The following CD86 variants were observed in gnomAD, a reference collection of about 807,000 sequenced individuals.
CD86 encodes CD86 molecule.
Under a neutral mutation model 32.1 loss-of-function variants are expected in CD86, and 11 were observed. The observed-to-expected ratio is 0.34, with a 90% CI of 0.22 to 0.57. The LOEUF (loss-of-function observed/expected upper bound fraction) is 0.57, where lower values mean the gene tolerates loss of function less well. Ranked by LOEUF, CD86 falls within the 20% of genes least tolerant of loss-of-function variation. CD86 has a pLI of 0.86. For missense variants in CD86, 359 were observed against 398.4 expected (o/e 0.90, Z 0.84); for synonymous variants, 137 against 135.3 (o/e 1.01, Z -0.09).
chr3:122,090,254 A>G (rs778818060), intron 1 of CD86, among the ~76,000 whole-genome samples: 8 of 152,340 alleles, frequency 5.3e-5, no homozygotes, highest in Non-Finnish European at 1.0e-4. Context: ...TTCTAGCCCA[A>G]TGTCCTGCAC....
intron 2 of CD86, among the ~76,000 whole-genome samples, chr3:122,102,406 CTTTTTTTT>C (rs1011413952): frequency 4.5e-4 from 25 of 56,156 alleles, no homozygotes; most frequent in African/African-American, 1.3e-3. Context: ...CCACTGCTTA[CTTTTTTTT>C]TTTTTTTTTT....
chr3:122,093,763 T>C (rs1223132940), intron 2 of CD86, among the ~76,000 whole-genome samples: 1 of 152,180 alleles, frequency 6.6e-6, no homozygotes, highest in Non-Finnish European at 1.5e-5. Flanking sequence ...ATTAACTCAT[T>C]TGAGCCTCAC....
chr3:122,117,990 C>T, intron 5 of CD86, 58 bp from the exon 6 acceptor site: 2 of 1,467,238 alleles, frequency 1.4e-6, no homozygotes, highest in East Asian at 2.3e-5. Context: ...TTCAAACTTT[C>T]CTTCTTTTGG....
chr3:122,111,196 C>G (rs1454936094), intron 5 of CD86, among the ~76,000 whole-genome samples: 1 of 152,158 alleles, frequency 6.6e-6, no homozygotes, highest in Non-Finnish European at 1.5e-5. Flanking sequence ...AAGAGAGAAG[C>G]CTTGCTATCA....
At chr3:122,077,747 T>TA in intron 1 of CD86, 1 of 985,376 alleles carries the variant, frequency 1.0e-6, no homozygotes, top group Non-Finnish European at 1.2e-6. Context: ...GGTACGTTTG[T>TA]AGTCATTCTC....
chr3:122,104,968 T>C (rs2073068548), intron 3 of CD86, among the ~76,000 whole-genome samples: 1 of 152,228 alleles, frequency 6.6e-6, no homozygotes, highest in African/African-American at 2.4e-5. Flanking sequence ...TCCAGGTTAA[T>C]TTTTGATGAA....
chr3:122,091,855 T>C (rs886822346), intron 2 of CD86: 2 of 562,792 alleles, frequency 3.6e-6, no homozygotes, highest in African/African-American at 3.8e-5. Flanking sequence ...GGGATGGAGC[T>C]CTCCCCCCCG....
At chr3:122,072,180 C>T (rs1431633670) in intron 1 of CD86, among the ~76,000 whole-genome samples, 2 of 149,948 alleles carry the variant, frequency 1.3e-5, no homozygotes, top group Non-Finnish European at 3.0e-5. Context: ...AATAGTGCCA[C>T]AATAAACATA....
chr3:122,114,101 A>T (rs1160231571), intron 5 of CD86, among the ~76,000 whole-genome samples: 1 of 151,926 alleles, frequency 6.6e-6, no homozygotes, highest in Admixed American at 6.6e-5. Flanking sequence ...ACATACAAAA[A>T]TTAGCTGGGT....
chr3:122,068,808 A>T (rs2072449513), intron 1 of CD86, among the ~76,000 whole-genome samples: 1 of 152,214 alleles, frequency 6.6e-6, no homozygotes, highest in Non-Finnish European at 1.5e-5. Flanking sequence ...CCTATTGCAT[A>T]ACTAGAATAC....
At chr3:122,109,547 G>C (rs750698604) in intron 5 of CD86, 139 bp downstream of exon 5, 9 of 960,352 alleles carry the variant, frequency 9.4e-6, no homozygotes, top group Non-Finnish European at 1.3e-5. Context: ...TTTTCCCTTG[G>C]AGTTTTGAGC....
At chr3:122,084,439 T>C (rs1027644757) in intron 1 of CD86, among the ~76,000 whole-genome samples, 3 of 152,226 alleles carry the variant, frequency 2.0e-5, no homozygotes, top group African/African-American at 7.2e-5. Flanking sequence ...AAAGCAGCCA[T>C]AGATAATAAT....
At chr3:122,098,349 C>A (rs758683049) in intron 2 of CD86, among the ~76,000 whole-genome samples, 3 of 152,082 alleles carry the variant, frequency 2.0e-5, no homozygotes, top group African/African-American at 4.8e-5. Flanking sequence ...GGAGGAAGAA[C>A]CTTCTGGACA....
At chr3:122,062,688 A>G (rs772798300) in intron 1 of CD86, among the ~76,000 whole-genome samples, 2 of 152,128 alleles carry the variant, frequency 1.3e-5, no homozygotes, top group African/African-American at 2.4e-5. Context: ...ATCATCTTCT[A>G]TTTATTAGTG....
At chr3:122,106,840 G>GCGCACACA (rs1553754159) in intron 4 of CD86, among the ~76,000 whole-genome samples, 1 of 143,476 alleles carries the variant, frequency 7.0e-6, no homozygotes, top group African/African-American at 2.6e-5. Flanking sequence ...ACATGCGCTT[G>GCGCACACA]CACACACACA....
intron 1 of CD86, among the ~76,000 whole-genome samples, chr3:122,058,988 T>C (rs926856583): frequency 1.3e-5 from 2 of 152,044 alleles, no homozygotes; most frequent in African/African-American, 2.4e-5. Flanking sequence ...TCTAAGTGCA[T>C]AGTGGCATCC....
rs546428240 is a variant in CD86 at position 122,110,965 on chromosome 3, G to A, written c.847+1557G>A. ...ATTAAGGATGTTTCTTCCTCCATGA[G>A]GCAATCAGAAAAAAATCAGGAGACT... On this transcript the variant is annotated intron_variant, in intron 5 of 6. Coordinates refer to ENST00000330540, the MANE Select transcript of CD86 (RefSeq NM_175862.5). Among the ~76,000 whole-genome samples, 4 of 152,202 alleles carry A rather than the reference G, an allele frequency of 2.6e-5. No homozygotes were observed. The South Asian group carries it at 6.2e-4, about 24-fold the overall frequency.
At chr3:122,106,804 G>C (rs1034545114) in intron 4 of CD86, among the ~76,000 whole-genome samples, 2 of 147,586 alleles carry the variant, frequency 1.4e-5, no homozygotes, top group African/African-American at 5.0e-5. Flanking sequence ...CTCCAGGCTA[G>C]AATTCTTTCT....
chr3:122,109,276 C>T lies in CD86; in HGVS notation c.715C>T (p.Pro239Ser). The change falls in exon 5 of 7, where the codon CCT becomes TCT. Residue 239 changes from proline (P) to serine (S), a missense_variant. Pro to Ser is a moderately conservative substitution (Grantham distance 74, BLOSUM62 -1). Transcript: ENST00000330540. ...SSPFSIELED[P>S]QPPPDHIPWI... is the part of the protein sequence containing the mutation. ...GTGGTCATTTGTAGAGCTTGAGGAC[C>T]CTCAGCCTCCCCCAGACCACATTCC... 6.2e-7 allele frequency: 1 copy of T among 1,613,316 alleles called. No homozygotes were observed. Among genetic ancestry groups the T allele is most frequent in the East Asian group, 2.2e-5 (1 of 44,800 alleles).
Sources: allele counts gnomAD v4.1 joint callset (sites outside exome capture counted in the v4.1 genomes callset), GRCh38; gene constraint gnomAD v4.1.1; transcripts MANE v1.5; gene names NCBI Gene and HGNC (gene_info 2026-07-23, HGNC 2026-07-21).